Variants in ADGRL2 observed in about 807,000 individuals in gnomAD.
ADGRL2 encodes calcium-independent alpha-latrotoxin receptor 2.
In ADGRL2, 44 loss-of-function variants were observed where a neutral mutation model predicts 157.4. That is an observed-to-expected ratio of 0.28 (90% confidence interval 0.22 to 0.36). The LOEUF (loss-of-function observed/expected upper bound fraction) is 0.36, where lower values mean the gene tolerates loss of function less well. Ranked by LOEUF, ADGRL2 falls within the 10% of genes least tolerant of loss-of-function variation. The probability of loss-of-function intolerance (pLI) is 1.00; values close to 1 mark genes in which losing one functional copy is unlikely to be tolerated. For missense variants in ADGRL2, 1,510 were observed against 1,768.9 expected, an observed-to-expected ratio of 0.85 and a Z score of 2.63; for synonymous variants, 585 against 624.7, an observed-to-expected ratio of 0.94 and a Z score of 0.95.
At position 81,991,181 on chromosome 1, in the gene ADGRL2, G is replaced by A. The variant is rs549940461; in HGVS notation, c.*36G>A. The A allele has an allele frequency of 1.0e-5, 16 of 1,549,612 alleles. No homozygotes were observed. The East Asian group carries it at 3.4e-4, about 33-fold the overall frequency. On this transcript the variant is annotated 3_prime_UTR_variant, in exon 24 of 24. Transcript: ENST00000686636. Reference sequence around the variant, plus strand: ...AAGGAATTCCAAGGGCCACATGCGAGTATTAATAAATAAAGACACCATTGG... The same window carrying A: ...AAGGAATTCCAAGGGCCACATGCGAATATTAATAAATAAAGACACCATTGG...
At chr1:81,849,662 T>C (rs2092928030) in intron 2 of ADGRL2, among the ~76,000 whole-genome samples, 1 of 151,944 alleles carries the variant, frequency 6.6e-6, no homozygotes, top group Non-Finnish European at 1.5e-5. Context: ...AATACTATTT[T>C]GGTCTTTTAG....
chr1:81,850,794 G>T (rs1184645474), intron 2 of ADGRL2, among the ~76,000 whole-genome samples: 1 of 151,150 alleles, frequency 6.6e-6, no homozygotes, highest in Non-Finnish European at 1.5e-5. Context: ...AATTTTATAG[G>T]TACTTCTTTC....
intron 3 of ADGRL2, among the ~76,000 whole-genome samples, chr1:81,930,870 G>A (rs1202209992): frequency 6.6e-6 from 1 of 152,104 alleles, no homozygotes; most frequent in Non-Finnish European, 1.5e-5. Context: ...GGTGGCTCAT[G>A]CCTGTAATCC....
At chr1:81,498,000 A>T (rs1461298456) in intron 2 of ADGRL2, among the ~76,000 whole-genome samples, 1 of 152,104 alleles carries the variant, frequency 6.6e-6, no homozygotes, top group African/African-American at 2.4e-5. Flanking sequence ...AGGTCAGGAG[A>T]TCAAGATCAT....
At chr1:81,852,835 T>C (rs1329233841) in intron 2 of ADGRL2, among the ~76,000 whole-genome samples, 2 of 152,186 alleles carry the variant, frequency 1.3e-5, no homozygotes, top group Admixed American at 6.6e-5. Context: ...AATAAAGATA[T>C]ACCAACATAA....
chr1:81,797,954 G>C (rs1456776216), upstream of ADGRL2, among the ~76,000 whole-genome samples: 1 of 152,074 alleles, frequency 6.6e-6, no homozygotes, highest in Admixed American at 6.5e-5. Context: ...ATGGAAATGG[G>C]TGTTTCCTTT....
At chr1:81,734,692 A>G (rs991864979) in intron 1 of ADGRL2, among the ~76,000 whole-genome samples, 5 of 148,680 alleles carry the variant, frequency 3.4e-5, no homozygotes, top group African/African-American at 1.2e-4. Context: ...ATTTTGGTAT[A>G]TGTTGTCTCT....
chr1:81,644,195 C>T (rs1282516012), intron 3 of ADGRL2, among the ~76,000 whole-genome samples: 1 of 152,104 alleles, frequency 6.6e-6, no homozygotes, highest in Non-Finnish European at 1.5e-5. Flanking sequence ...AAACCCAGAG[C>T]ATACACCCTT....
intron 1 of ADGRL2, among the ~76,000 whole-genome samples, chr1:81,436,075 A>G (rs1297452318): frequency 6.6e-6 from 1 of 152,252 alleles, no homozygotes; most frequent in East Asian, 1.9e-4. Flanking sequence ...AACCTGGGCA[A>G]TAAGAGCGAA....
At chr1:81,791,383 G>A (rs2087337647) in intron 2 of ADGRL2, among the ~76,000 whole-genome samples, 1 of 152,090 alleles carries the variant, frequency 6.6e-6, no homozygotes, top group Non-Finnish European at 1.5e-5. Flanking sequence ...GTCTGTGGAT[G>A]GTTGGATAAA....
intron 2 of ADGRL2, chr1:81,505,193 C>G (rs1291574385): frequency 2.8e-5 from 14 of 494,284 alleles, no homozygotes; most frequent in Admixed American, 7.4e-5. Flanking sequence ...CGCTCACCCC[C>G]ACTCCCACAC....
upstream of ADGRL2, among the ~76,000 whole-genome samples, chr1:81,798,403 A>T (rs2087701359): frequency 1.3e-5 from 2 of 152,168 alleles, no homozygotes; most frequent in Admixed American, 6.5e-5. Flanking sequence ...AGAAATAATT[A>T]AAAATCTTTA....
At chr1:81,726,207 G>A (rs2084523560) in intron 1 of ADGRL2, among the ~76,000 whole-genome samples, 2 of 152,114 alleles carry the variant, frequency 1.3e-5, no homozygotes, top group African/African-American at 4.8e-5. Flanking sequence ...CAATAGTCAT[G>A]AGAACTTCTC....
intron 1 of ADGRL2, among the ~76,000 whole-genome samples, chr1:81,759,176 G>T (rs1326439582): frequency 2.0e-5 from 3 of 152,048 alleles, no homozygotes; most frequent in Non-Finnish European, 4.4e-5. Context: ...TCTAGAATTT[G>T]CTCTTTACAC....
intron 1 of ADGRL2, chr1:81,722,363 G>A (rs1280719593): frequency 2.7e-6 from 2 of 738,712 alleles, no homozygotes; most frequent in Non-Finnish European, 4.9e-6. Flanking sequence ...GGTTGCTATT[G>A]AAGCCCTAAA....
At chr1:81,403,385 C>T (rs1256654338) in intron 1 of ADGRL2, among the ~76,000 whole-genome samples, 1 of 152,086 alleles carries the variant, frequency 6.6e-6, no homozygotes, top group African/African-American at 2.4e-5. Context: ...ATACCTCAAC[C>T]TCCAAAGCAG....
In ADGRL2 at chr1:81,993,640, T is replaced by C. The variant is rs564984754; in HGVS notation, c.*2495T>C. ...ATTTCTTTTCAAAAATATATAAATA[T>C]TGCCTTAAATTCCATCTAGGATTCC... On this transcript the variant is annotated 3_prime_UTR_variant, in exon 24 of 24. Transcript: ENST00000686636. 1.3e-5 allele frequency among the ~76,000 whole-genome samples: 2 copies of C among 152,292 alleles called. No individual in the cohort carries two copies. The highest frequency in any genetic ancestry group is 4.1e-4 in the South Asian group (2 of 4,834).
chr1:81,457,261 T>C (rs2077827024), intron 2 of ADGRL2, among the ~76,000 whole-genome samples: 1 of 152,176 alleles, frequency 6.6e-6, no homozygotes, highest in African/African-American at 2.4e-5. Flanking sequence ...TGCTCAGTAG[T>C]AAGTTAATAT....
At chr1:81,800,860 G>T (rs1163116517), upstream of ADGRL2, among the ~76,000 whole-genome samples, 1 of 149,890 alleles carries the variant, frequency 6.7e-6, no homozygotes, top group Non-Finnish European at 1.5e-5. Flanking sequence ...GGTAGGGGGA[G>T]CGCGAACCGA....
Sources: allele counts gnomAD v4.1 joint callset (sites outside exome capture counted in the v4.1 genomes callset), GRCh38; gene constraint gnomAD v4.1.1; transcripts MANE v1.5; gene names NCBI Gene and HGNC (gene_info 2026-07-23, HGNC 2026-07-21).